The following PHACTR3 variants were observed in gnomAD, a reference collection of about 807,000 sequenced individuals.
PHACTR3 encodes the protein phosphatase and actin regulator 3.
PHACTR3 carries 16 observed loss-of-function variants against 66.8 expected under a neutral mutation model. That is an observed-to-expected ratio of 0.24 (90% confidence interval 0.16 to 0.36). The LOEUF is 0.36. PHACTR3 is among the 10% of genes least tolerant of loss of function. PHACTR3 has a pLI of 1.00. For missense variants in PHACTR3, 647 were observed against 719.9 expected, an observed-to-expected ratio of 0.90 and a Z score of 1.16; for synonymous variants, 323 against 292.1, an observed-to-expected ratio of 1.11 and a Z score of -1.08.
rs533011706 is a variant in PHACTR3 at position 59,578,523 on chromosome 20, C to T, written c.109+906C>T. The stretch of plus-strand genomic sequence containing the variant: ...CAGGAAACTCTGGTTTAGATCCATC[C>T]GTGGTTCTTTTCAGTGCCTCGAAAC... On this transcript the variant is annotated intron_variant, in intron 1 of 12. Coordinates refer to the PHACTR3 transcript ENST00000359926. 3.1e-4 allele frequency among the ~76,000 whole-genome samples: 47 copies of T among 152,304 alleles called. No homozygotes were observed. The South Asian group carries it at 9.1e-3, about 30-fold the overall frequency.
intron 1 of PHACTR3, among the ~76,000 whole-genome samples, chr20:59,731,373 C>A (rs1019236999): frequency 3.3e-5 from 5 of 152,216 alleles, no homozygotes; most frequent in Admixed American, 3.3e-4. Context: ...TTTGCAAATG[C>A]AGATGCATCC....
intron 1 of PHACTR3, among the ~76,000 whole-genome samples, chr20:59,713,042 G>T (rs1026198358): frequency 5.9e-5 from 9 of 152,234 alleles, no homozygotes; most frequent in Non-Finnish European, 1.0e-4. Context: ...GAGACCTTGG[G>T]TGAACAAAGC....
At chr20:59,694,397 A>G (rs2037220566) in intron 1 of PHACTR3, among the ~76,000 whole-genome samples, 1 of 152,030 alleles carries the variant, frequency 6.6e-6, no homozygotes, top group South Asian at 2.1e-4. Context: ...TTGACTCACT[A>G]TTATATCATT....
Position 59,847,526 on chromosome 20 carries a change from TCAAAAGA to T in PHACTR3, c.*399_*405del, listed in dbSNP as rs2059173456. The T allele has an allele frequency of 5.8e-6, 1 of 171,360 alleles. No homozygotes were observed. The allele number at this position is 171,360 out of a possible 1,614,324, so 10.6% of individuals were successfully genotyped here. A position where few individuals can be genotyped will look rare whatever the true frequency, so the allele number is the denominator to read the frequency against. On this transcript the variant is annotated 3_prime_UTR_variant, in exon 13 of 13. Coordinates refer to ENST00000371015, the MANE Select transcript of PHACTR3 (RefSeq NM_080672.5). Reference sequence around the variant, plus strand: ...GTGACAGTGTCATTCAGTATTATGTTCAAAAGACATTTTTATCCTGATCATAATTAAT... The same window carrying T: ...GTGACAGTGTCATTCAGTATTATGTTCATTTTTATCCTGATCATAATTAAT...
At chr20:59,675,501 C>T (rs770809596) in intron 1 of PHACTR3, among the ~76,000 whole-genome samples, 3 of 152,182 alleles carry the variant, frequency 2.0e-5, no homozygotes, top group African/African-American at 4.8e-5. Context: ...GGGCTATTGT[C>T]CCTGTCTCCG....
At chr20:59,608,009 ATTTT>A (rs1267199950) in intron 1 of PHACTR3, among the ~76,000 whole-genome samples, 2 of 152,120 alleles carry the variant, frequency 1.3e-5, no homozygotes, top group Non-Finnish European at 2.9e-5. Context: ...CACATATTTT[ATTTT>A]AATGATATTG....
intron 7 of PHACTR3, among the ~76,000 whole-genome samples, chr20:59,791,359 A>G (rs1467546630): frequency 2.0e-5 from 3 of 152,198 alleles, no homozygotes; most frequent in Non-Finnish European, 2.9e-5. Flanking sequence ...AATGTAAATT[A>G]CCCAGTCTTG....
chr20:59,579,607 G>C (rs1193886525), intron 1 of PHACTR3, among the ~76,000 whole-genome samples: 6 of 152,218 alleles, frequency 3.9e-5, no homozygotes, highest in Non-Finnish European at 8.8e-5. Context: ...TGCAACCCGA[G>C]GCCAATGGCA....
chr20:59,686,656 GTGGTGATGATGA>G lies in PHACTR3; in HGVS notation c.119-56424_119-56413del, dbSNP rs1317305450. ...TGTGATGATGGTGGTGATGATGATGGTGGTGATGATGATGGTGATGATGATGGTGATGATGAT... is the reference window on the plus strand; with the variant it reads ...TGTGATGATGGTGGTGATGATGATGGTGGTGATGATGATGGTGATGATGAT... On this transcript the variant is annotated intron_variant, in intron 1 of 12. Coordinates refer to ENST00000371015, the MANE Select transcript of PHACTR3 (RefSeq NM_080672.5). Among the ~76,000 whole-genome samples, 1,434 of 149,020 alleles carry G rather than the reference GTGGTGATGATGA, an allele frequency of 9.6e-3. 14 individuals carry two copies. Among genetic ancestry groups the G allele is most frequent in the African/African-American group, 0.033 (1,311 of 40,212 alleles).
rs536957624 is a variant in PHACTR3, at chr20:59,767,447, T to A, written c.751+52T>A. The A allele has an allele frequency of 3.6e-5, 55 of 1,545,734 alleles. No homozygotes were observed. In the Admixed American group the frequency reaches 9.1e-4, roughly 26 times the overall value. ...CTATTTCCTTTCTCTGCCCCATCCA[T>A]CCATCTATCCTACATTCATCCACCC... is the stretch of plus-strand genomic sequence containing the variant. On this transcript the variant is annotated intron_variant, in intron 5 of 12. Coordinates refer to ENST00000371015, the MANE Select transcript of PHACTR3 (RefSeq NM_080672.5).
intron 7 of PHACTR3, among the ~76,000 whole-genome samples, chr20:59,780,799 A>G (rs2040699203): frequency 6.6e-6 from 1 of 152,176 alleles, no homozygotes; most frequent in Non-Finnish European, 1.5e-5. Context: ...TGACCTTGGA[A>G]AAGTTTCTTA....
chr20:59,760,581 G>A (rs558606490), intron 4 of PHACTR3, among the ~76,000 whole-genome samples: 17 of 152,252 alleles, frequency 1.1e-4, no homozygotes, highest in South Asian at 2.1e-4. Context: ...TAAGATGTGC[G>A]TTTCGCCTTC....
chr20:59,732,895 C>T lies in PHACTR3; in HGVS notation c.119-10212C>T, dbSNP rs972239402. 3.9e-5 allele frequency among the ~76,000 whole-genome samples: 6 copies of T among 152,170 alleles called. No individual in the cohort carries two copies. The South Asian group carries it at 1.0e-3, about 26-fold the overall frequency. On this transcript the variant is annotated intron_variant, in intron 1 of 12. Transcript: ENST00000371015. ...AATTGCATTGTGCAGTTGTTGAGGT[C>T]TCTGTTTCCCCTATACTGGAAAAGT...
chr20:59,841,990 AAG>A (rs1319348853), intron 11 of PHACTR3, among the ~76,000 whole-genome samples: 1 of 152,184 alleles, frequency 6.6e-6, no homozygotes, highest in Non-Finnish European at 1.5e-5. Context: ...AGTGGGGACA[AAG>A]AGGCATTCAA....
chr20:59,700,826 A>G (rs2037477441), intron 1 of PHACTR3, among the ~76,000 whole-genome samples: 2 of 152,228 alleles, frequency 1.3e-5, no homozygotes, highest in Middle Eastern at 6.8e-3. Flanking sequence ...GGCTTGCTCC[A>G]TCATCTAGGC....
At chr20:59,804,875 C>A (rs563873156) in intron 7 of PHACTR3, among the ~76,000 whole-genome samples, 1 of 152,216 alleles carries the variant, frequency 6.6e-6, no homozygotes, top group Non-Finnish European at 1.5e-5. Context: ...TAGGAGTTGA[C>A]TTCCTTTTAG....
rs893972193 is a variant in PHACTR3 at position 59,586,635 on chromosome 20, G to A, written c.109+9018G>A. ...GACCTAGAGTATTGTGGTCACGGGTGAAAGTGCAGAATATTGTACACTGAT... is the reference window on the plus strand; with the variant it reads ...GACCTAGAGTATTGTGGTCACGGGTAAAAGTGCAGAATATTGTACACTGAT... On this transcript the variant is annotated intron_variant, in intron 1 of 12. Transcript: ENST00000359926. Among the ~76,000 whole-genome samples, 9 of 152,282 alleles carry A rather than the reference G, an allele frequency of 5.9e-5. No individual in the cohort carries two copies. The South Asian group carries it at 6.2e-4, about 11-fold the overall frequency.
chr20:59,658,095 C>A (rs540467111), intron 1 of PHACTR3, among the ~76,000 whole-genome samples: 1 of 151,954 alleles, frequency 6.6e-6, no homozygotes, highest in East Asian at 1.9e-4. Context: ...CTGTTGATCC[C>A]CTCTAGTGAA....
intron 1 of PHACTR3, among the ~76,000 whole-genome samples, chr20:59,658,585 T>C (rs985514594): frequency 3.9e-5 from 6 of 152,206 alleles, no homozygotes; most frequent in Non-Finnish European, 8.8e-5. Context: ...CACAGTCACC[T>C]TGAGATGATA....
Sources: gnomAD v4.1 joint callset for allele counts (sites outside exome capture counted in the v4.1 genomes callset) on GRCh38, gnomAD v4.1.1 for gene constraint, MANE v1.5 for transcripts, NCBI Gene and HGNC (gene_info 2026-07-23, HGNC 2026-07-21) for gene names.